TENM3: variants seen among roughly 807,000 people sequenced by gnomAD.
TENM3 encodes teneurin-3.
Under a neutral mutation model 255.1 loss-of-function variants are expected in TENM3, and 63 were observed. That is an observed-to-expected ratio of 0.25 (90% CI 0.20 to 0.30). The LOEUF (loss-of-function observed/expected upper bound fraction) is 0.30. Ranked by LOEUF, TENM3 falls within the 10% of genes least tolerant of loss-of-function variation. The probability of loss-of-function intolerance (pLI) is 1.00; values close to 1 mark genes in which losing one functional copy is unlikely to be tolerated. For missense variants in TENM3, 2,929 were observed against 3,461.1 expected (o/e 0.85, Z 3.86); for synonymous variants, 1,306 against 1,322.3 (o/e 0.99, Z 0.27).
At chr4:182,091,923 G>T in the TENM3 span, among the ~76,000 whole-genome samples, 1 of 152,186 alleles carries the variant, frequency 6.6e-6, no homozygotes, top group Non-Finnish European at 1.5e-5. Context: ...AACGGGCCCA[G>T]ACTCGATTTT....
intron 12 of TENM3, among the ~76,000 whole-genome samples, chr4:182,703,725 T>C (rs1279673027): frequency 6.6e-6 from 1 of 152,248 alleles, no homozygotes; most frequent in Non-Finnish European, 1.5e-5. Context: ...TTTTGTTTAT[T>C]ATTTTCCAGT....
chr4:181,654,950 T>C, the TENM3 span, among the ~76,000 whole-genome samples: 2 of 152,096 alleles, frequency 1.3e-5, no homozygotes, highest in Admixed American at 6.5e-5. Context: ...TGTAGAAACA[T>C]AAAGTGAGAC....
chr4:182,512,839 A>G (rs80139644), intron 3 of TENM3, among the ~76,000 whole-genome samples: 1 of 152,174 alleles, frequency 6.6e-6, no homozygotes, highest in African/African-American at 2.4e-5. Context: ...CTATAGGCTA[A>G]GAGTATACAG....
the TENM3 span, among the ~76,000 whole-genome samples, chr4:181,653,431 A>G: frequency 2.4e-3 from 349 of 146,244 alleles, 1 homozygote; most frequent in Non-Finnish European, 2.8e-3. Context: ...TGTTTTCGAG[A>G]TGGAGTCTCA....
chr4:182,723,454 G>T (rs540396113), intron 13 of TENM3, among the ~76,000 whole-genome samples: 5 of 152,244 alleles, frequency 3.3e-5, no homozygotes, highest in South Asian at 2.1e-4. Flanking sequence ...GAAGGACAGT[G>T]GGTATCAATT....
chr4:182,273,658 A>C (rs1759799790), intron 1 of TENM3, among the ~76,000 whole-genome samples: 1 of 152,210 alleles, frequency 6.6e-6, no homozygotes, highest in Admixed American at 6.5e-5. Flanking sequence ...GGCAGGTGCA[A>C]AACAATTAAA....
intron 3 of TENM3, among the ~76,000 whole-genome samples, chr4:182,462,232 A>C (rs1732079787): frequency 6.6e-6 from 1 of 151,618 alleles, no homozygotes; most frequent in Admixed American, 6.6e-5. Flanking sequence ...CAATTTTTAA[A>C]TTTTCAGTAA....
chr4:181,740,366 A>C, the TENM3 span, among the ~76,000 whole-genome samples: 12 of 152,186 alleles, frequency 7.9e-5, no homozygotes, highest in Admixed American at 4.6e-4. Context: ...GAATTTCAGA[A>C]TATTAACTTT....
chr4:182,798,936 A>G (rs1766692898), intron 27 of TENM3, among the ~76,000 whole-genome samples: 1 of 152,324 alleles, frequency 6.6e-6, no homozygotes, highest in Non-Finnish European at 1.5e-5. Context: ...CCCCCAATTT[A>G]AAACATTTGC....
chr4:182,052,194 G>A, the TENM3 span, among the ~76,000 whole-genome samples: 3 of 152,034 alleles, frequency 2.0e-5, no homozygotes, highest in Non-Finnish European at 4.4e-5. Context: ...ACAAGCCCCA[G>A]AAATCATGAA....
At chr4:182,281,178 A>G (rs1760363573) in intron 1 of TENM3, among the ~76,000 whole-genome samples, 1 of 152,242 alleles carries the variant, frequency 6.6e-6, no homozygotes, top group Admixed American at 6.5e-5. Context: ...ACACTGGGAC[A>G]TATGGTCATC....
Position 182,422,221 on chromosome 4 carries a change from A to T in TENM3, c.511+75292A>T, listed in dbSNP as rs114380605. Reference sequence around the variant, plus strand: ...CACATTTTTTTCACTGTTTTTTTTTAAAAGAGTGTAGACTGTAGTGTTAGA... The same window carrying T: ...CACATTTTTTTCACTGTTTTTTTTTTAAAGAGTGTAGACTGTAGTGTTAGA... On this transcript the variant is annotated intron_variant, in intron 3 of 27. Coordinates refer to ENST00000511685, the MANE Select transcript of TENM3 (RefSeq NM_001080477.4). 7.2e-3 allele frequency among the ~76,000 whole-genome samples: 1,092 copies of T among 151,324 alleles called. 12 individuals carry two copies. The highest frequency in any genetic ancestry group is 0.025 in the African/African-American group (1,036 of 40,822).
the TENM3 span, among the ~76,000 whole-genome samples, chr4:181,694,263 T>C: frequency 6.6e-6 from 1 of 152,218 alleles, no homozygotes; most frequent in East Asian, 1.9e-4. Flanking sequence ...GCTCCAGGTC[T>C]GCTGCTGGCT....
At chr4:182,780,223 G>A (rs1376963512) in intron 24 of TENM3, among the ~76,000 whole-genome samples, 1 of 149,592 alleles carries the variant, frequency 6.7e-6, no homozygotes, top group African/African-American at 2.5e-5. Flanking sequence ...ATCTTGAATT[G>A]ATTTTTGTAT....
At chr4:181,703,247 C>T in the TENM3 span, among the ~76,000 whole-genome samples, 5 of 152,170 alleles carry the variant, frequency 3.3e-5, no homozygotes, top group Non-Finnish European at 7.3e-5. Flanking sequence ...ATGTGGGAGT[C>T]GTACATTGCA....
At chr4:182,004,352 A>G in the TENM3 span, among the ~76,000 whole-genome samples, 6 of 152,118 alleles carry the variant, frequency 3.9e-5, no homozygotes, top group African/African-American at 1.4e-4. Flanking sequence ...TTTGCTGAGG[A>G]TGATGGCTTC....
the TENM3 span, among the ~76,000 whole-genome samples, chr4:181,967,471 A>G: frequency 2.0e-5 from 3 of 152,326 alleles, no homozygotes; most frequent in Middle Eastern, 3.4e-3. Context: ...GAAATGTCCA[A>G]TTCCTATCAC....
chr4:182,420,703 T>C (rs1309766970), intron 3 of TENM3, among the ~76,000 whole-genome samples: 3 of 152,226 alleles, frequency 2.0e-5, no homozygotes, highest in Non-Finnish European at 4.4e-5. Context: ...ACTCTTAGCA[T>C]TGACATGAGG....
chr4:182,008,228 T>C, the TENM3 span, among the ~76,000 whole-genome samples: 1 of 152,260 alleles, frequency 6.6e-6, no homozygotes, highest in South Asian at 2.1e-4. Flanking sequence ...GTGGAGTATC[T>C]TAATGGAGTC....
Sources: allele counts gnomAD v4.1 joint callset (sites outside exome capture counted in the v4.1 genomes callset), GRCh38; gene constraint gnomAD v4.1.1; transcripts MANE v1.5; gene names NCBI Gene and HGNC (gene_info 2026-07-23, HGNC 2026-07-21).